Variants in PNKD observed in about 807,000 individuals in gnomAD.
PNKD encodes probable thioesterase PNKD.
A neutral mutation model predicts 45.3 loss-of-function variants in PNKD; 36 were observed. The ratio of observed to expected loss-of-function variants is 0.80; its 90% CI spans 0.61 to 1.05. PNKD has a LOEUF of 1.05. Ranked by LOEUF, PNKD falls within the 50% of genes least tolerant of loss-of-function variation. The pLI, the probability that PNKD is intolerant of heterozygous loss-of-function variation, is 0.00. For synonymous variants in PNKD, 197 were observed against 210.1 expected, an observed-to-expected ratio of 0.94 and a Z score of 0.54; for missense variants, 511 against 506.6, an observed-to-expected ratio of 1.01 and a Z score of -0.08.
intron 2 of PNKD, among the ~76,000 whole-genome samples, chr2:218,283,303 G>A (rs552652724): frequency 2.0e-4 from 30 of 152,214 alleles, no homozygotes; most frequent in Admixed American, 9.8e-4. Context: ...CCCAGAACTC[G>A]CAGGTCAGTG....
At chr2:218,284,907 T>C (rs1005888398) in intron 2 of PNKD, among the ~76,000 whole-genome samples, 20 of 152,120 alleles carry the variant, frequency 1.3e-4, no homozygotes, top group Non-Finnish European at 2.5e-4. Context: ...CCTGGCCAAA[T>C]GGTGAAACCC....
intron 2 of PNKD, among the ~76,000 whole-genome samples, chr2:218,287,046 C>T (rs886729461): frequency 1.3e-5 from 2 of 152,166 alleles, no homozygotes; most frequent in African/African-American, 4.8e-5. Flanking sequence ...AAAAGATACA[C>T]CCAGGAGTGT....
intron 2 of PNKD, chr2:218,275,887 A>G (rs1481004073): frequency 9.2e-7 from 1 of 1,082,410 alleles, no homozygotes; most frequent in Non-Finnish European, 1.3e-6. Context: ...AATCAATGGA[A>G]TCTCTGGACA....
chr2:218,339,119 G>A (rs1335486090), intron 2 of PNKD, among the ~76,000 whole-genome samples: 1 of 151,970 alleles, frequency 6.6e-6, no homozygotes, highest in Non-Finnish European at 1.5e-5. Context: ...TAGGATGCAT[G>A]CTAAAGTCTG....
chr2:218,325,549 T>A (rs1395361912), intron 2 of PNKD, among the ~76,000 whole-genome samples: 1 of 152,106 alleles, frequency 6.6e-6, no homozygotes, highest in Non-Finnish European at 1.5e-5. Context: ...CCCACAAAAT[T>A]TCTGGGAATT....
chr2:218,271,618 T>C lies in PNKD; in HGVS notation c.236+69T>C, dbSNP rs765015078. On this transcript the variant is annotated intron_variant, in intron 2 of 9. Coordinates refer to ENST00000273077, the MANE Select transcript of PNKD (RefSeq NM_015488.5). ...GTAGGGGAGGGCAGGACTTAGAAAC[T>C]TCTCCAAGTTTCAGGTGGCGAGCTG... 17 of 1,399,786 alleles carry C rather than the reference T, an allele frequency of 1.2e-5. No individual in the cohort carries two copies. In the African/African-American group the frequency reaches 1.4e-4, roughly 12 times the overall value. The allele number at this position is 1,399,786 out of a possible 1,614,324, so 86.7% of individuals were successfully genotyped here.
chr2:218,337,189 C>T (rs1028118019), intron 2 of PNKD, among the ~76,000 whole-genome samples: 8 of 150,062 alleles, frequency 5.3e-5, no homozygotes, highest in Non-Finnish European at 1.2e-4. Flanking sequence ...TTACTACAAC[C>T]TCAGCCTCCC....
At chr2:218,286,757 C>T (rs1053871040) in intron 2 of PNKD, 4 of 152,264 alleles carry the variant, frequency 2.6e-5, no homozygotes, top group African/African-American at 9.7e-5. Flanking sequence ...ACTGGGGTTA[C>T]AGCAAGAGGA....
chr2:218,343,127 T>G (rs7592003), intron 7 of PNKD, among the ~76,000 whole-genome samples: 151,200 of 152,294 alleles, frequency 0.99, 75,066 homozygotes, highest in East Asian at 1. Context: ...GCTAGGTGAG[T>G]GGGTGGGTGA....
intron 2 of PNKD, among the ~76,000 whole-genome samples, chr2:218,302,601 A>C (rs1186047211): frequency 6.6e-6 from 1 of 152,156 alleles, no homozygotes; most frequent in East Asian, 1.9e-4. Flanking sequence ...GCCCAAGAGG[A>C]GACTGGGGAG....
rs371989364 is a variant in PNKD at position 218,340,850 on chromosome 2, A to G, written c.524+64A>G. 347 of 1,378,134 alleles carry G rather than the reference A, an allele frequency of 2.5e-4. No homozygotes were observed. Among genetic ancestry groups the G allele is most frequent in the Non-Finnish European group, 3.4e-4 (326 of 964,754 alleles). 85.4% of individuals were successfully genotyped at this position (1,378,134 alleles called of 1,614,324 possible). A position where few individuals can be genotyped will look rare whatever the true frequency, so the allele number is the denominator to read the frequency against. ...AGCTGGGCTTGCCAGGACTGGGCCCATTGAGGACGGCCGGGGCCAGAGATC... is the reference window on the plus strand; with the variant it reads ...AGCTGGGCTTGCCAGGACTGGGCCCGTTGAGGACGGCCGGGGCCAGAGATC... On this transcript the variant is annotated intron_variant, in intron 5 of 9. Coordinates refer to ENST00000273077, the MANE Select transcript of PNKD (RefSeq NM_015488.5). This position sits in a 1 kb window ranked among gnomAD's most constrained non-coding sequence, Gnocchi z 4.2.
chr2:218,340,180 C>T lies in PNKD; in HGVS notation c.465+39C>T. 7.6e-7 allele frequency: 1 copy of T among 1,315,162 alleles called. No homozygotes were observed. The highest frequency in any genetic ancestry group is 1.1e-6 in the Non-Finnish European group (1 of 910,844). The allele number at this position is 1,315,162 out of a possible 1,614,324, so 81.5% of individuals were successfully genotyped here. On this transcript the variant is annotated intron_variant, in intron 4 of 9. Transcript: ENST00000273077. The surrounding 1 kb of genome is among the most constrained non-coding windows in gnomAD (Gnocchi z 4.2). ...AGGGAGCAGGGGGTGCCTGGAGTCA[C>T]CTTGGGGACTGGCAGTTTCGCCTTG...
chr2:218,320,382 C>T (rs1474666424), intron 2 of PNKD, among the ~76,000 whole-genome samples: 2 of 152,184 alleles, frequency 1.3e-5, no homozygotes, highest in African/African-American at 2.4e-5. Flanking sequence ...GTGCTGGGAA[C>T]ATTCAAAGTC....
chr2:218,339,249 C>T (rs945393683), intron 2 of PNKD, among the ~76,000 whole-genome samples: 23 of 152,074 alleles, frequency 1.5e-4, no homozygotes, highest in African/African-American at 4.1e-4. Flanking sequence ...AGATTAAACC[C>T]CTCACTCTCC....
intron 2 of PNKD, chr2:218,281,919 A>G: frequency 6.4e-7 from 1 of 1,566,900 alleles, no homozygotes; most frequent in South Asian, 1.2e-5. Flanking sequence ...CCCACCTTCC[A>G]TCTGCCCTTC....
intron 2 of PNKD, among the ~76,000 whole-genome samples, chr2:218,315,721 G>A (rs978347642): frequency 2.0e-5 from 3 of 152,016 alleles, no homozygotes; most frequent in African/African-American, 4.8e-5. Context: ...CCTTTAATTC[G>A]GGTAGAATTT....
At position 218,340,175 on chromosome 2, in the gene PNKD, A is replaced by G. The variant is rs1264310624; in HGVS notation, c.465+34A>G. ...AGGGCAGGGAGCAGGGGGTGCCTGG[A>G]GTCACCTTGGGGACTGGCAGTTTCG... On this transcript the variant is annotated intron_variant, in intron 4 of 9. Coordinates refer to ENST00000273077, the MANE Select transcript of PNKD (RefSeq NM_015488.5). This position sits in a 1 kb window ranked among gnomAD's most constrained non-coding sequence, Gnocchi z 4.2. 1 of 1,382,318 alleles carries G rather than the reference A, an allele frequency of 7.2e-7. No individual in the cohort carries two copies. The highest frequency in any genetic ancestry group is 2.3e-5 in the East Asian group (1 of 43,844). The allele number at this position is 1,382,318 out of a possible 1,614,324, so 85.6% of individuals were successfully genotyped here.
At chr2:218,330,241 G>A (rs562929370) in intron 2 of PNKD, among the ~76,000 whole-genome samples, 33 of 152,332 alleles carry the variant, frequency 2.2e-4, no homozygotes, top group African/African-American at 4.1e-4. Flanking sequence ...GCCTGAGGCC[G>A]GCCCTGGGCC....
At chr2:218,279,147 G>A (rs1170911206) in intron 2 of PNKD, 2 of 1,609,300 alleles carry the variant, frequency 1.2e-6, no homozygotes, top group African/African-American at 2.7e-5. Flanking sequence ...GCCCCACCCA[G>A]GCCAGCCAGG....
Sources: allele counts gnomAD v4.1 joint callset (sites outside exome capture counted in the v4.1 genomes callset), GRCh38; gene constraint gnomAD v4.1.1; non-coding constraint Gnocchi (gnomAD v3.1); transcripts MANE v1.5; gene names NCBI Gene and HGNC (gene_info 2026-07-23, HGNC 2026-07-21).